The following ELOVL1 variants were observed in gnomAD, a reference collection of about 807,000 sequenced individuals.
The protein encoded by ELOVL1 is ELOVL fatty acid elongase 1.
Under a neutral mutation model 37.8 loss-of-function variants are expected in ELOVL1, and 10 were observed. The observed-to-expected ratio is 0.26, with a 90% CI of 0.16 to 0.45. The LOEUF (loss-of-function observed/expected upper bound fraction) is 0.45, where lower values mean the gene tolerates loss of function less well. Ranked by LOEUF, ELOVL1 falls within the 20% of genes least tolerant of loss-of-function variation. ELOVL1 has a pLI of 1.00. For missense variants in ELOVL1, 256 were observed against 352.7 expected, an observed-to-expected ratio of 0.73 and a Z score of 2.20; for synonymous variants, 133 against 123.8, an observed-to-expected ratio of 1.07 and a Z score of -0.49.
rs1438126939 is a variant in ELOVL1 at position 43,364,558 on chromosome 1, C to G, written c.465G>C (p.Gly155=). The G allele has an allele frequency of 1.2e-6, 2 of 1,614,038 alleles. No individual in the cohort carries two copies. The highest frequency in any genetic ancestry group is 4.5e-5 in the East Asian group (2 of 44,876). Reference sequence around the variant, plus strand: ...ACCACTCACCCGGGGCAATCTTTACCCCCCACCACCAGCTCCAGGGAAGCA... The same window carrying G: ...ACCACTCACCCGGGGCAATCTTTACGCCCCACCACCAGCTCCAGGGAAGCA... The part of the protein sequence containing the change: ...HSVLPWSWWW[G]VKIAPGGMGS... The change falls in exon 6 of 8, where the codon GGG becomes GGC. Residue 155 remains glycine, a synonymous_variant. Coordinates refer to ENST00000372458, the MANE Select transcript of ELOVL1 (RefSeq NM_022821.4). This position sits in a 1 kb window ranked among gnomAD's most constrained non-coding sequence, Gnocchi z 5.2.
chr1:43,364,304 A>C lies in ELOVL1; in HGVS notation c.618+20T>G, dbSNP rs1288440254. 2 of 1,614,010 alleles carry C rather than the reference A, an allele frequency of 1.2e-6. No individual in the cohort carries two copies. The highest frequency in any genetic ancestry group is 1.7e-6 in the Non-Finnish European group (2 of 1,180,004). ...GAATGTGGGGGGATGGTTATAGGTA[A>C]GTCAGGCCAAGCCCCTCACCAGCTG... On this transcript the variant is annotated intron_variant, in intron 7 of 7. Coordinates refer to ENST00000372458, the MANE Select transcript of ELOVL1 (RefSeq NM_022821.4). This position sits in a 1 kb window ranked among gnomAD's most constrained non-coding sequence, Gnocchi z 5.2.
rs778016643 is a variant in ELOVL1, at chr1:43,364,084, G to A, written c.672C>T (p.Ser224=). 1.2e-6 allele frequency: 2 copies of A among 1,614,220 alleles called. No homozygotes were observed. The highest frequency in any genetic ancestry group is 2.2e-5 in the South Asian group (2 of 91,088). The stretch of plus-strand genomic sequence containing the variant: ...TAATGACTGGGTACTGGTAGTTACA[G>A]CTGGACATAAAGTAGTACTGGGAGA... ...LHISQYYFMS[S]CNYQYPVIIH... The change falls in exon 8 of 8, where the codon AGC becomes AGT. Residue 224 remains serine (S), a synonymous_variant. Transcript: ENST00000372458. This position sits in a 1 kb window ranked among gnomAD's most constrained non-coding sequence, Gnocchi z 5.2.
rs764905013 is a variant in ELOVL1, at chr1:43,364,035, T to G, written c.721A>C (p.Thr241Pro). 6.2e-7 allele frequency: 1 copy of G among 1,614,150 alleles called. No individual in the cohort carries two copies. Among genetic ancestry groups the G allele is most frequent in the Non-Finnish European group, 8.5e-7 (1 of 1,180,042 alleles). ...VIIHLIWMYGTIFFMLFSNFW... is the reference protein window; with the variant it reads ...VIIHLIWMYGPIFFMLFSNFW... Reference sequence around the variant, plus strand: ...TTGGAGAACAGCATGAAGAAGATGGTGCCATACATCCAGATGAGGTGAATA... The same window carrying G: ...TTGGAGAACAGCATGAAGAAGATGGGGCCATACATCCAGATGAGGTGAATA... Residue 241 changes from threonine to proline, a missense_variant, in exon 8 of 8, where the codon ACC becomes CCC. Physicochemically the swap from Thr to Pro is conservative, Grantham distance 38. This residue lies in a region of ELOVL1 where 59 missense variants were observed against 73.3 expected (regional missense o/e 0.80). Coordinates refer to ENST00000372458, the MANE Select transcript of ELOVL1 (RefSeq NM_022821.4). The surrounding 1 kb of genome is among the most constrained non-coding windows in gnomAD (Gnocchi z 5.2).
rs1459838288 is a variant in ELOVL1 at position 43,365,385 on chromosome 1, A to C, written c.47-9T>G. 3 of 1,610,014 alleles carry C rather than the reference A, an allele frequency of 1.9e-6. No homozygotes were observed. Among genetic ancestry groups the C allele is most frequent in the Non-Finnish European group, 2.5e-6 (3 of 1,177,850 alleles). ...GCCCTGGATCCGGGGATCTATGAATAAGGGTCAAAGGAATCAGGAAGAGTC... is the reference window on the plus strand; with the variant it reads ...GCCCTGGATCCGGGGATCTATGAATCAGGGTCAAAGGAATCAGGAAGAGTC... On this transcript the variant is annotated splice_polypyrimidine_tract_variant and intron_variant, in intron 2 of 7. Coordinates refer to ENST00000372458, the MANE Select transcript of ELOVL1 (RefSeq NM_022821.4).
rs1383621352 is a variant in ELOVL1 at position 43,365,343 on chromosome 1, G to A, written c.80C>T (p.Ser27Phe). ...GAGAATGGAGGTCATTAGCAAGGGG[G>A]ACCCCATCAGAGGGTAGCCCTGGAT... Reference protein sequence around the residue: ...PRIQGYPLMGSPLLMTSILLT... With the variant: ...PRIQGYPLMGFPLLMTSILLT... The change falls in exon 3 of 8, where the codon TCC becomes TTC. Residue 27 changes from serine to phenylalanine, a missense_variant. This residue lies in a region of ELOVL1 where 158 missense variants were observed against 189.4 expected (regional missense o/e 0.83). Coordinates refer to ENST00000372458, the MANE Select transcript of ELOVL1 (RefSeq NM_022821.4). 6.2e-7 allele frequency: 1 copy of A among 1,613,320 alleles called. No homozygotes were observed. Among genetic ancestry groups the A allele is most frequent in the Admixed American group, 1.7e-5 (1 of 59,834 alleles).
Position 43,364,693 on chromosome 1 carries a change from A to G in ELOVL1, c.375+45T>C. The G allele has an allele frequency of 1.2e-6, 2 of 1,614,122 alleles. No homozygotes were observed. Among genetic ancestry groups the G allele is most frequent in the African/African-American group, 1.3e-5 (1 of 75,022 alleles). On this transcript the variant is annotated intron_variant, in intron 5 of 7. Coordinates refer to ENST00000372458, the MANE Select transcript of ELOVL1 (RefSeq NM_022821.4). The surrounding 1 kb of genome is among the most constrained non-coding windows in gnomAD (Gnocchi z 5.2). Reference sequence around the variant, plus strand: ...GGGGATTCAGAACCTGGGCTTCTCCACCTCATTCTCCCCTCAAGTTCTCAC... The same window carrying G: ...GGGGATTCAGAACCTGGGCTTCTCCGCCTCATTCTCCCCTCAAGTTCTCAC...
rs767618680 is a variant in ELOVL1, at chr1:43,365,113, G to A, written c.237+73C>T. The A allele has an allele frequency of 5.7e-4, 908 of 1,602,386 alleles. 10 individuals are homozygous for A. The highest frequency in any genetic ancestry group is 1.3e-4 in the Non-Finnish European group (147 of 1,173,654). ...CTGAACCTCTCTGGAAAGGAGAAAT[G>A]CCATGCTCTGGCTCTATGGCCTGCT... On this transcript the variant is annotated intron_variant, in intron 3 of 7. Transcript: ENST00000372458.
intron 1 of ELOVL1, chr1:43,367,458 C>T (rs573724770): frequency 6.5e-5 from 10 of 152,752 alleles, no homozygotes; most frequent in Admixed American, 4.6e-4. Context: ...ATCTCTCAAC[C>T]ACCAGCCCCC....
chr1:43,363,704 G>A lies in ELOVL1; in HGVS notation c.*212C>T. On this transcript the variant is annotated 3_prime_UTR_variant, in exon 8 of 8. Transcript: ENST00000372458. Reference sequence around the variant, plus strand: ...GCTCTGGAGTGGCAGACAGCAATGAGGCCACATCCCTGGAGCTGCCCGGGG... The same window carrying A: ...GCTCTGGAGTGGCAGACAGCAATGAAGCCACATCCCTGGAGCTGCCCGGGG... 1.7e-6 allele frequency: 1 copy of A among 583,030 alleles called. No individual in the cohort carries two copies. The highest frequency in any genetic ancestry group is 2.0e-5 in the South Asian group (1 of 49,574). The allele number at this position is 583,030 out of a possible 1,614,324, so 36.1% of individuals were successfully genotyped here. A position where few individuals can be genotyped will look rare whatever the true frequency, so the allele number is the denominator to read the frequency against.
chr1:43,365,063 C>G, intron 3 of ELOVL1, 55 bp from the exon 4 acceptor site: 1 of 1,593,086 alleles, frequency 6.3e-7, no homozygotes, highest in South Asian at 1.1e-5. Context: ...GCCATCCCTC[C>G]CCTTCGCTAG....
In ELOVL1 at chr1:43,365,012, G is replaced by A. The variant is rs772036321; in HGVS notation, c.238-4C>T. Reference sequence around the variant, plus strand: ...TCAGCCAGCCCGACATCAGGAACTGGGAAGGGATGTGGATTAGACCACCAG... The same window carrying A: ...TCAGCCAGCCCGACATCAGGAACTGAGAAGGGATGTGGATTAGACCACCAG... On this transcript the variant is annotated splice_polypyrimidine_tract_variant and splice_region_variant and intron_variant, in intron 3 of 7. Transcript: ENST00000372458. The A allele has an allele frequency of 3.7e-6, 6 of 1,612,772 alleles. No homozygotes were observed. The highest frequency in any genetic ancestry group is 5.1e-6 in the Non-Finnish European group (6 of 1,179,436).
In ELOVL1 at chr1:43,364,903, T is replaced by A. The variant is rs1484883832; in HGVS notation, c.318+25A>T. On this transcript the variant is annotated intron_variant, in intron 4 of 7. Coordinates refer to ENST00000372458, the MANE Select transcript of ELOVL1 (RefSeq NM_022821.4). The surrounding 1 kb of genome is among the most constrained non-coding windows in gnomAD (Gnocchi z 5.2). ...CTGGTCATATCTACCAGGTTGCTTA[T>A]GACCTAGCCCCAGCCCCTACTTACC... 1.2e-6 allele frequency: 2 copies of A among 1,613,930 alleles called. No homozygotes were observed. The highest frequency in any genetic ancestry group is 2.2e-5 in the South Asian group (2 of 91,064).
chr1:43,365,953 C>T (rs1647226937), intron 1 of ELOVL1, among the ~76,000 whole-genome samples: 1 of 152,016 alleles, frequency 6.6e-6, no homozygotes. Context: ...ACTGGAGAAT[C>T]TTACCTTCTC....
chr1:43,365,529 AG>A (rs1557477600), intron 2 of ELOVL1, 34 bp downstream of exon 2: 1 of 1,614,158 alleles, frequency 6.2e-7, no homozygotes, highest in Admixed American at 1.7e-5. Context: ...ATCCCGGGAA[AG>A]AAGGAAGGAA....
At chr1:43,365,925 C>G (rs1406467870) in intron 1 of ELOVL1, among the ~76,000 whole-genome samples, 2 of 152,002 alleles carry the variant, frequency 1.3e-5, no homozygotes, top group African/African-American at 4.8e-5. Flanking sequence ...CAAGATAACT[C>G]TCAATTCCAG....
In ELOVL1 at chr1:43,364,122, C is replaced by T; in HGVS notation, c.634G>A (p.Val212Ile). The T allele has an allele frequency of 6.2e-7, 1 of 1,613,808 alleles. No individual in the cohort carries two copies. Among genetic ancestry groups the T allele is most frequent in the South Asian group, 1.1e-5 (1 of 91,064 alleles). Residue 212 changes from valine (V) to isoleucine (I), a missense_variant, in exon 8 of 8, where the codon GTC becomes ATC. Physicochemically the swap from Val to Ile is conservative, Grantham distance 29. Around this residue, in one of 3 missense-constraint regions of ELOVL1, gnomAD observed 39 missense variants for 89.9 expected, o/e 0.43. Coordinates refer to ENST00000372458, the MANE Select transcript of ELOVL1 (RefSeq NM_022821.4). This position sits in a 1 kb window ranked among gnomAD's most constrained non-coding sequence, Gnocchi z 5.2. ...TAGTACTGGGAGATGTGCAGTGAGA[C>T]CAGGACAAACTGGATCTAGGATAGA... ...TAIQLIQFVL[V>I]SLHISQYYFM... is the part of the protein sequence containing the mutation.
chr1:43,364,249 C>G lies in ELOVL1; in HGVS notation c.618+75G>C. 6.2e-7 allele frequency: 1 copy of G among 1,611,358 alleles called. No homozygotes were observed. The highest frequency in any genetic ancestry group is 1.1e-5 in the South Asian group (1 of 90,734). On this transcript the variant is annotated intron_variant, in intron 7 of 7. Transcript: ENST00000372458. The surrounding 1 kb of genome is among the most constrained non-coding windows in gnomAD (Gnocchi z 5.2). Reference sequence around the variant, plus strand: ...GGGAGAGATGGGGTCAAAGGTGAGACAGACTGGATAAAGGCAGGATCCAGG... The same window carrying G: ...GGGAGAGATGGGGTCAAAGGTGAGAGAGACTGGATAAAGGCAGGATCCAGG...
In ELOVL1 at chr1:43,364,614, C is replaced by T; in HGVS notation, c.409G>A (p.Val137Met). 1 of 1,614,142 alleles carries T rather than the reference C, an allele frequency of 6.2e-7. No individual in the cohort carries two copies. Among genetic ancestry groups the T allele is most frequent in the Non-Finnish European group, 8.5e-7 (1 of 1,180,028 alleles). ...IFILRKKDGQ[V>M]TFLHVFHHSV... is the part of the protein sequence containing the mutation. ...TGATGGAAGACATGTAGGAAGGTCA[C>T]CTGCCCGTCTTTCTTTCGGAGAATA... Residue 137 changes from valine to methionine, a missense_variant, in exon 6 of 8, where the codon GTG becomes ATG. Physicochemically the swap from Val to Met is conservative, Grantham distance 21. This residue lies in a region of ELOVL1 where 158 missense variants were observed against 189.4 expected (regional missense o/e 0.83). Coordinates refer to ENST00000372458, the MANE Select transcript of ELOVL1 (RefSeq NM_022821.4). This position sits in a 1 kb window ranked among gnomAD's most constrained non-coding sequence, Gnocchi z 5.2.
chr1:43,363,814 A>C lies in ELOVL1; in HGVS notation c.*102T>G. 1 of 1,104,884 alleles carries C rather than the reference A, an allele frequency of 9.1e-7. No homozygotes were observed. Among genetic ancestry groups the C allele is most frequent in the Non-Finnish European group, 1.4e-6 (1 of 738,798 alleles). The allele number at this position is 1,104,884 out of a possible 1,614,324, so 68.4% of individuals were successfully genotyped here. ...CAGTCCCCTGCTCAGTCCTGACCAC[A>C]TAAGCCTTGGTCACAGGTGTAGGTG... On this transcript the variant is annotated 3_prime_UTR_variant, in exon 8 of 8. Transcript: ENST00000372458.
Sources: gnomAD v4.1 joint callset for allele counts (sites outside exome capture counted in the v4.1 genomes callset) on GRCh38, gnomAD v4.1.1 for gene constraint, gnomAD v4.1.1 regional missense constraint, Gnocchi (gnomAD v3.1) non-coding constraint, MANE v1.5 for transcripts, NCBI Gene and HGNC (gene_info 2026-07-23, HGNC 2026-07-21) for gene names.